The following SIAH3 variants were observed in gnomAD, a reference collection of about 807,000 sequenced individuals.
SIAH3 encodes seven in absentia homolog 3.
A neutral mutation model predicts 12.6 loss-of-function variants in SIAH3; 9 were observed. The observed-to-expected ratio is 0.72, with a 90% CI of 0.43 to 1.25. The LOEUF is 1.25. Ranked by LOEUF, SIAH3 falls within the 50% of genes most tolerant of loss-of-function variation. The pLI is 0.00. For missense variants in SIAH3, 390 were observed against 365.4 expected (o/e 1.07, Z -0.55); for synonymous variants, 154 against 151.1 (o/e 1.02, Z -0.14).
intron 1 of SIAH3, among the ~76,000 whole-genome samples, chr13:45,825,387 C>T (rs907374455): frequency 6.6e-6 from 1 of 152,134 alleles, no homozygotes; most frequent in Non-Finnish European, 1.5e-5. Flanking sequence ...GGGAGCACTG[C>T]GTTAACAGAT....
At chr13:45,840,879 A>G (rs1357581206) in intron 1 of SIAH3, among the ~76,000 whole-genome samples, 1 of 152,208 alleles carries the variant, frequency 6.6e-6, no homozygotes, top group Non-Finnish European at 1.5e-5. Context: ...TGCCACAAAG[A>G]GCTGGGTGAC....
chr13:45,805,245 A>T (rs1950594943), intron 1 of SIAH3, among the ~76,000 whole-genome samples: 1 of 152,160 alleles, frequency 6.6e-6, no homozygotes, highest in South Asian at 2.1e-4. Context: ...ATTTATATGG[A>T]ACCAAAAAAG....
At chr13:45,800,845 G>T (rs1435706600) in intron 1 of SIAH3, among the ~76,000 whole-genome samples, 3 of 152,176 alleles carry the variant, frequency 2.0e-5, no homozygotes, top group African/African-American at 7.2e-5. Flanking sequence ...AAGGGCCCTG[G>T]CAAGGGCTTC....
intron 1 of SIAH3, among the ~76,000 whole-genome samples, chr13:45,796,012 CAT>C (rs1310911204): frequency 2.6e-5 from 4 of 152,262 alleles, no homozygotes; most frequent in South Asian, 4.1e-4. Flanking sequence ...AGTTCAAAAA[CAT>C]ATAAAATTGA....
rs1950491153 is a variant in SIAH3 at position 45,778,248 on chromosome 13, T to G, written c.*5135A>C. 6.6e-6 allele frequency: 1 copy of G among 152,232 alleles called. No homozygotes were observed. The highest frequency in any genetic ancestry group is 6.5e-5 in the Admixed American group (1 of 15,278). The allele number at this position is 152,232 out of a possible 1,614,324, so 9.4% of individuals were successfully genotyped here. ...ATTTCTAATTTCAAAGTAAAACATT[T>G]CTTTAGGTTTTGGCCAGCATGTAAG... On this transcript the variant is annotated 3_prime_UTR_variant, in exon 2 of 2. Coordinates refer to ENST00000400405, the MANE Select transcript of SIAH3 (RefSeq NM_198849.3).
chr13:45,794,773 G>T (rs1401230912), intron 1 of SIAH3, among the ~76,000 whole-genome samples: 1 of 152,028 alleles, frequency 6.6e-6, no homozygotes, highest in African/African-American at 2.4e-5. Context: ...CCAGTCTCAG[G>T]TGTGTCTTTA....
At position 45,804,521 on chromosome 13, in the gene SIAH3, T is replaced by C. The variant is rs544514329; in HGVS notation, c.136-20464A>G. The stretch of plus-strand genomic sequence containing the variant: ...TAATGGTTGTGCAACTCCGTGAATA[T>C]ACTAAAATCAATTGAATTATACACT... On this transcript the variant is annotated intron_variant, in intron 1 of 1. Transcript: ENST00000400405. Among the ~76,000 whole-genome samples the C allele has an allele frequency of 2.0e-5, 3 of 152,242 alleles. No homozygotes were observed. In the East Asian group the frequency reaches 5.8e-4, roughly 29 times the overall value.
chr13:45,810,591 C>A (rs897353927), intron 1 of SIAH3, among the ~76,000 whole-genome samples: 1 of 152,126 alleles, frequency 6.6e-6, no homozygotes, highest in Non-Finnish European at 1.5e-5. Context: ...TTGCCTGGGG[C>A]TGGTTGGTTT....
At chr13:45,814,281 G>A (rs1950626626) in intron 1 of SIAH3, among the ~76,000 whole-genome samples, 1 of 149,820 alleles carries the variant, frequency 6.7e-6, no homozygotes. Flanking sequence ...TAACACTCAT[G>A]CATCTATTCA....
At chr13:45,825,030 G>A (rs1566094502) in intron 1 of SIAH3, among the ~76,000 whole-genome samples, 1 of 152,096 alleles carries the variant, frequency 6.6e-6, no homozygotes, top group Non-Finnish European at 1.5e-5. Flanking sequence ...ACGTACGGCA[G>A]CATGACAGTA....
At chr13:45,811,608 G>A (rs1355347466) in intron 1 of SIAH3, among the ~76,000 whole-genome samples, 2 of 152,098 alleles carry the variant, frequency 1.3e-5, no homozygotes, top group African/African-American at 4.8e-5. Flanking sequence ...GACTACAGGG[G>A]CATGCCACCA....
At chr13:45,840,187 G>C (rs1950735264) in intron 1 of SIAH3, among the ~76,000 whole-genome samples, 2 of 152,096 alleles carry the variant, frequency 1.3e-5, no homozygotes, top group African/African-American at 4.8e-5. Flanking sequence ...GAACCCAGGA[G>C]GCAGAGATTG....
intron 1 of SIAH3, among the ~76,000 whole-genome samples, chr13:45,801,153 T>A (rs1460523172): frequency 6.6e-6 from 1 of 151,948 alleles, no homozygotes; most frequent in Non-Finnish European, 1.5e-5. Flanking sequence ...CGCCAGCGCC[T>A]GACATATGTG....
intron 1 of SIAH3, among the ~76,000 whole-genome samples, chr13:45,817,073 G>T (rs987732215): frequency 2.0e-5 from 3 of 152,314 alleles, no homozygotes; most frequent in South Asian, 4.1e-4. Flanking sequence ...GATTAAATGA[G>T]TTAATTTGTT....
chr13:45,822,036 C>T (rs2137570829), intron 1 of SIAH3, among the ~76,000 whole-genome samples: 1 of 152,264 alleles, frequency 6.6e-6, no homozygotes, highest in East Asian at 1.9e-4. Flanking sequence ...TACCCCTTTG[C>T]TCTTGTGACA....
At chr13:45,790,973 G>A (rs1427628960) in intron 1 of SIAH3, among the ~76,000 whole-genome samples, 1 of 152,118 alleles carries the variant, frequency 6.6e-6, no homozygotes, top group Non-Finnish European at 1.5e-5. Context: ...CTTGAGCCCA[G>A]GAATTTGAGA....
At chr13:45,817,568 C>G (rs889288112) in intron 1 of SIAH3, among the ~76,000 whole-genome samples, 11 of 152,086 alleles carry the variant, frequency 7.2e-5, no homozygotes, top group African/African-American at 2.7e-4. Flanking sequence ...TGTCCTTATA[C>G]GAGGGAGGCA....
At chr13:45,849,554 G>C (rs1174141481) in intron 1 of SIAH3, among the ~76,000 whole-genome samples, 1 of 152,160 alleles carries the variant, frequency 6.6e-6, no homozygotes, top group East Asian at 1.9e-4. Context: ...CCATTTAAAA[G>C]GTGAGGAAGG....
At chr13:45,844,873 A>G (rs147761591) in intron 1 of SIAH3, among the ~76,000 whole-genome samples, 1 of 152,374 alleles carries the variant, frequency 6.6e-6, no homozygotes, top group African/African-American at 2.4e-5. Flanking sequence ...CTGTGTTAGC[A>G]GAAAATTACT....
Sources: gnomAD v4.1 joint callset for allele counts (sites outside exome capture counted in the v4.1 genomes callset) on GRCh38, gnomAD v4.1.1 for gene constraint, MANE v1.5 for transcripts, NCBI Gene and HGNC (gene_info 2026-07-23, HGNC 2026-07-21) for gene names.